The following PEX5L variants were observed in gnomAD, a reference collection of about 807,000 sequenced individuals.
PEX5L encodes PEX5-related protein.
In PEX5L, 30 loss-of-function variants were observed where a neutral mutation model predicts 84.0. That is an observed-to-expected ratio of 0.36 (90% CI 0.27 to 0.48). The LOEUF is 0.48. PEX5L is among the 20% of genes least tolerant of loss of function. The pLI is 0.99. For missense variants in PEX5L, 533 were observed against 754.6 expected (o/e 0.71, Z 3.44); for synonymous variants, 270 against 283.1 (o/e 0.95, Z 0.46).
At chr3:179,827,811 G>T (rs1731099840) in intron 8 of PEX5L, among the ~76,000 whole-genome samples, 1 of 152,234 alleles carries the variant, frequency 6.6e-6, no homozygotes, top group Admixed American at 6.5e-5. Flanking sequence ...TAAGCTAAAG[G>T]CTGCAAATTG....
At chr3:179,819,033 TTC>T (rs926439867) in intron 9 of PEX5L, among the ~76,000 whole-genome samples, 1 of 141,718 alleles carries the variant, frequency 7.1e-6, no homozygotes, top group African/African-American at 2.8e-5. Context: ...CTACAGTTCT[TTC>T]TTTTTTTTTT....
intron 2 of PEX5L, among the ~76,000 whole-genome samples, chr3:179,941,238 C>CAAACTGTACAAATGCCG: frequency 6.6e-6 from 1 of 152,190 alleles, no homozygotes; most frequent in East Asian, 1.9e-4. Context: ...CCGATTTAAA[C>CAAACTGTACAAATGCCG]ATGTACAGTT....
chr3:180,021,123 A>C (rs1579375611), intron 1 of PEX5L, among the ~76,000 whole-genome samples: 2 of 152,160 alleles, frequency 1.3e-5, no homozygotes, highest in Non-Finnish European at 2.9e-5. Context: ...CCTTATAGGA[A>C]GTGATACCTT....
At chr3:179,919,951 C>T (rs1158486474) in intron 2 of PEX5L, among the ~76,000 whole-genome samples, 3 of 152,168 alleles carry the variant, frequency 2.0e-5, no homozygotes, top group African/African-American at 7.2e-5. Context: ...GATGCACCTG[C>T]CTCAGACTCC....
At chr3:179,985,050 C>T (rs912631549) in intron 1 of PEX5L, among the ~76,000 whole-genome samples, 19 of 152,154 alleles carry the variant, frequency 1.2e-4, no homozygotes, top group East Asian at 5.8e-4. Context: ...TTATTATCAA[C>T]GTAGACTATG....
intron 8 of PEX5L, among the ~76,000 whole-genome samples, chr3:179,829,041 A>G (rs529595286): frequency 6.6e-6 from 1 of 152,358 alleles, no homozygotes; most frequent in South Asian, 2.1e-4. Flanking sequence ...TCATCTTCTC[A>G]GTACTAACCA....
intron 1 of PEX5L, among the ~76,000 whole-genome samples, chr3:179,996,535 A>G (rs1787904801): frequency 6.6e-6 from 1 of 152,148 alleles, no homozygotes; most frequent in Non-Finnish European, 1.5e-5. Flanking sequence ...GCTTAGGGAG[A>G]TTGGGATGGT....
chr3:179,875,540 G>C, intron 5 of PEX5L, 63 bp from the exon 6 acceptor site: 2 of 1,219,646 alleles, frequency 1.6e-6, no homozygotes, highest in South Asian at 1.2e-5. Flanking sequence ...GGGAGCGGTG[G>C]CGGGGAGTGG....
At chr3:179,931,180 T>C (rs947292734) in intron 2 of PEX5L, among the ~76,000 whole-genome samples, 1 of 152,196 alleles carries the variant, frequency 6.6e-6, no homozygotes, top group African/African-American at 2.4e-5. Context: ...GCTGAGTGTC[T>C]ATTGTTGTGT....
intron 4 of PEX5L, among the ~76,000 whole-genome samples, chr3:179,883,599 A>C (rs1985273): frequency 0.91 from 137,679 of 152,114 alleles, 62,363 homozygotes; most frequent in South Asian, 0.97. Flanking sequence ...GCCTGACCAA[A>C]ATGGAGAAAC....
intron 3 of PEX5L, among the ~76,000 whole-genome samples, chr3:179,893,248 A>G (rs924279788): frequency 1.3e-5 from 2 of 152,138 alleles, no homozygotes; most frequent in Admixed American, 6.6e-5. Context: ...GTGTGGAACA[A>G]AGGCAGATTA....
chr3:179,905,893 A>G (rs1457810841), intron 2 of PEX5L, among the ~76,000 whole-genome samples: 1 of 152,220 alleles, frequency 6.6e-6, no homozygotes, highest in Non-Finnish European at 1.5e-5. Flanking sequence ...TGGGCACATA[A>G]ACGCTCAAGT....
chr3:179,938,787 C>T (rs1244239609), intron 2 of PEX5L, among the ~76,000 whole-genome samples: 3 of 152,178 alleles, frequency 2.0e-5, no homozygotes, highest in Admixed American at 2.0e-4. Flanking sequence ...GACTTTGGGG[C>T]ATGCTGCATT....
chr3:179,947,232 G>T (rs1777800887), intron 2 of PEX5L, among the ~76,000 whole-genome samples: 1 of 152,108 alleles, frequency 6.6e-6, no homozygotes, highest in Non-Finnish European at 1.5e-5. Context: ...ATTCTGCAAA[G>T]AGTGTAATTA....
At chr3:180,010,096 A>C (rs1432592127) in intron 1 of PEX5L, among the ~76,000 whole-genome samples, 2 of 151,920 alleles carry the variant, frequency 1.3e-5, no homozygotes, top group African/African-American at 4.8e-5. Context: ...GGCGCCCGCC[A>C]CCACGTCTGG....
intron 11 of PEX5L, 22 bp from the exon 12 acceptor site, chr3:179,809,690 A>G (rs775086590): frequency 1.9e-6 from 3 of 1,560,932 alleles, no homozygotes; most frequent in Middle Eastern, 2.2e-4. Context: ...AAAGAAGCCA[A>G]TTTCAGATTT....
Position 179,811,890 on chromosome 3 carries a change from G to A in PEX5L, c.1084-19C>T, listed in dbSNP as rs1364570085. The A allele has an allele frequency of 1.3e-6, 2 of 1,597,770 alleles. No homozygotes were observed. Among genetic ancestry groups the A allele is most frequent in the South Asian group, 2.2e-5 (2 of 90,746 alleles). On this transcript the variant is annotated intron_variant, in intron 10 of 14. Coordinates refer to ENST00000467460, the MANE Select transcript of PEX5L (RefSeq NM_016559.3). Reference sequence around the variant, plus strand: ...GCCATGCCTACGAAAGACAACTGATGTTAACATTGCAAGATGAAGCAGAAT... The same window carrying A: ...GCCATGCCTACGAAAGACAACTGATATTAACATTGCAAGATGAAGCAGAAT...
intron 8 of PEX5L, among the ~76,000 whole-genome samples, chr3:179,835,635 C>T (rs1016755259): frequency 6.6e-6 from 1 of 152,136 alleles, no homozygotes; most frequent in Non-Finnish European, 1.5e-5. Context: ...TAAAGTTATG[C>T]TGTCATGACT....
chr3:180,028,883 T>G (rs1004939780), intron 1 of PEX5L, among the ~76,000 whole-genome samples: 32 of 152,346 alleles, frequency 2.1e-4, no homozygotes, highest in African/African-American at 7.5e-4. Flanking sequence ...CAAATACCTG[T>G]GAAATAACTC....
Sources: gnomAD v4.1 joint callset for allele counts (sites outside exome capture counted in the v4.1 genomes callset) on GRCh38, gnomAD v4.1.1 for gene constraint, MANE v1.5 for transcripts, NCBI Gene and HGNC (gene_info 2026-07-23, HGNC 2026-07-21) for gene names.